Variants in PCDH9 observed in about 807,000 individuals in gnomAD.
PCDH9 encodes protocadherin-9.
In PCDH9, 24 loss-of-function variants were observed where a neutral mutation model predicts 70.6. The ratio of observed to expected loss-of-function variants is 0.34; its 90% confidence interval spans 0.25 to 0.48. The LOEUF (loss-of-function observed/expected upper bound fraction) is 0.48. Among genes scored for constraint, PCDH9 ranks in the 20% least tolerant of loss-of-function variants. The probability of loss-of-function intolerance (pLI) is 0.99; values close to 1 mark genes in which losing one functional copy is unlikely to be tolerated. For missense variants in PCDH9, 1,281 were observed against 1,503.6 expected (o/e 0.85, Z 2.45); for synonymous variants, 562 against 558.5 (o/e 1.01, Z -0.09).
intron 2 of PCDH9, among the ~76,000 whole-genome samples, chr13:67,192,111 G>T (rs949982676): frequency 6.6e-6 from 1 of 152,008 alleles, no homozygotes; most frequent in Non-Finnish European, 1.5e-5. Flanking sequence ...TGTAGAAAGA[G>T]ATGAACACAG....
At chr13:66,348,675 A>AC (rs1956248595) in intron 4 of PCDH9, among the ~76,000 whole-genome samples, 1 of 136,104 alleles carries the variant, frequency 7.3e-6, no homozygotes, top group Admixed American at 7.3e-5. Flanking sequence ...GCTATTTGCC[A>AC]TTTTTTTTTT....
At chr13:67,015,551 C>A (rs2084544878) in intron 2 of PCDH9, among the ~76,000 whole-genome samples, 1 of 152,058 alleles carries the variant, frequency 6.6e-6, no homozygotes, top group African/African-American at 2.4e-5. Flanking sequence ...ACTTACCCTT[C>A]TTTGTTGCTA....
chr13:66,385,946 G>T (rs546026823), intron 4 of PCDH9, among the ~76,000 whole-genome samples: 6 of 148,928 alleles, frequency 4.0e-5, no homozygotes, highest in Non-Finnish European at 8.9e-5. Context: ...CGTAGCAAAA[G>T]AACACAGTTA....
chr13:67,098,532 C>T (rs548598485), intron 2 of PCDH9, among the ~76,000 whole-genome samples: 2 of 152,128 alleles, frequency 1.3e-5, no homozygotes, highest in East Asian at 3.9e-4. Flanking sequence ...TTTTTAAGTT[C>T]TTTAGCTAAA....
chr13:66,693,895 A>AGAAT (rs2078522296), intron 3 of PCDH9, among the ~76,000 whole-genome samples: 1 of 152,238 alleles, frequency 6.6e-6, no homozygotes, highest in Non-Finnish European at 1.5e-5. Flanking sequence ...AAGAGAGAGT[A>AGAAT]GAATATATTA....
chr13:67,169,616 C>T (rs1403738115), intron 2 of PCDH9, among the ~76,000 whole-genome samples: 1 of 152,118 alleles, frequency 6.6e-6, no homozygotes, highest in Non-Finnish European at 1.5e-5. Context: ...TTAACTTATT[C>T]TGTAGCTATC....
chr13:66,850,362 T>C (rs1303468362), intron 3 of PCDH9, among the ~76,000 whole-genome samples: 1 of 152,008 alleles, frequency 6.6e-6, no homozygotes, highest in African/African-American at 2.4e-5. Flanking sequence ...CTACTAAAAA[T>C]GCAGAAACTA....
chr13:66,802,413 A>G lies in PCDH9; in HGVS notation c.3138+101091T>C, dbSNP rs1418109177. Among the ~76,000 whole-genome samples the G allele has an allele frequency of 5.9e-5, 9 of 152,112 alleles. No individual in the cohort carries two copies. In the East Asian group the frequency reaches 1.7e-3, roughly 29 times the overall value. ...TGCATATTTTTTCATAAAAATGGAAATTAAGATTATTCACCTATTTTACCT... is the reference window on the plus strand; with the variant it reads ...TGCATATTTTTTCATAAAAATGGAAGTTAAGATTATTCACCTATTTTACCT... On this transcript the variant is annotated intron_variant, in intron 3 of 4. Coordinates refer to ENST00000377865, the MANE Select transcript of PCDH9 (RefSeq NM_203487.3).
chr13:66,319,918 G>C (rs1955723266), intron 4 of PCDH9, among the ~76,000 whole-genome samples: 1 of 151,958 alleles, frequency 6.6e-6, no homozygotes, highest in Non-Finnish European at 1.5e-5. Context: ...AAATTCCTTT[G>C]TCATCCTCTA....
chr13:66,931,573 T>TG (rs1308308537), intron 2 of PCDH9, among the ~76,000 whole-genome samples: 4 of 151,948 alleles, frequency 2.6e-5, no homozygotes, highest in South Asian at 2.1e-4. Context: ...AGAATGGTGG[T>TG]GGGGGGGAAG....
At chr13:66,800,057 C>T (rs2080301494) in intron 3 of PCDH9, among the ~76,000 whole-genome samples, 1 of 152,116 alleles carries the variant, frequency 6.6e-6, no homozygotes, top group African/African-American at 2.4e-5. Flanking sequence ...CCATAGCCCC[C>T]TGCTTCCTTC....
chr13:66,584,219 G>A (rs9540832), intron 4 of PCDH9, among the ~76,000 whole-genome samples: 36,100 of 152,058 alleles, frequency 0.24, 4,818 homozygotes, highest in South Asian at 0.35. Flanking sequence ...AAGGAAAAGG[G>A]ATACCCTCAC....
intron 4 of PCDH9, among the ~76,000 whole-genome samples, chr13:66,577,380 G>C (rs1047711071): frequency 6.6e-6 from 1 of 151,790 alleles, no homozygotes; most frequent in Non-Finnish European, 1.5e-5. Flanking sequence ...AGAATCCAAA[G>C]TGAATAATAA....
At chr13:67,184,172 G>A (rs1461645792) in intron 2 of PCDH9, among the ~76,000 whole-genome samples, 1 of 152,052 alleles carries the variant, frequency 6.6e-6, no homozygotes, top group African/African-American at 2.4e-5. Flanking sequence ...TAAAAATGTA[G>A]GTTATAACTT....
At chr13:66,756,927 C>T (rs1033810741) in intron 3 of PCDH9, among the ~76,000 whole-genome samples, 2 of 152,136 alleles carry the variant, frequency 1.3e-5, no homozygotes, top group Admixed American at 6.5e-5. Flanking sequence ...ACCTCTGCCT[C>T]CCGGGTTCAA....
At chr13:66,509,069 T>C (rs553952997) in intron 4 of PCDH9, among the ~76,000 whole-genome samples, 13 of 152,314 alleles carry the variant, frequency 8.5e-5, no homozygotes, top group African/African-American at 2.9e-4. Context: ...TTGTATGTTG[T>C]ATTAGACAGT....
chr13:67,030,037 T>G (rs1023215237), intron 2 of PCDH9, among the ~76,000 whole-genome samples: 12 of 152,164 alleles, frequency 7.9e-5, no homozygotes, highest in Admixed American at 2.6e-4. Flanking sequence ...CAGGAGTAGA[T>G]GAAGATATGT....
chr13:66,327,440 C>T lies in PCDH9; in HGVS notation c.3341-22412G>A, dbSNP rs537584215. Among the ~76,000 whole-genome samples, 5 of 152,162 alleles carry T rather than the reference C, an allele frequency of 3.3e-5. No individual in the cohort carries two copies. In the East Asian group the frequency reaches 9.7e-4, roughly 29 times the overall value. The stretch of plus-strand genomic sequence containing the variant: ...CCTCTTGGTGTAGAACTTTGAGAAG[C>T]AAAAGGGATTATTTTGTTTAGAACT... On this transcript the variant is annotated intron_variant, in intron 4 of 4. Coordinates refer to ENST00000377865, the MANE Select transcript of PCDH9 (RefSeq NM_203487.3).
chr13:66,969,189 T>C (rs1239057867), intron 2 of PCDH9, among the ~76,000 whole-genome samples: 5 of 152,040 alleles, frequency 3.3e-5, no homozygotes, highest in Admixed American at 1.3e-4. Context: ...TGATTTGATT[T>C]TTGATTTTTT....
Sources: allele counts gnomAD v4.1 joint callset (sites outside exome capture counted in the v4.1 genomes callset), GRCh38; gene constraint gnomAD v4.1.1; transcripts MANE v1.5; gene names NCBI Gene and HGNC (gene_info 2026-07-23, HGNC 2026-07-21).